The following SYN2 variants were observed in gnomAD, a reference collection of about 807,000 sequenced individuals.
The protein encoded by SYN2 is synapsin-2.
SYN2 carries 19 observed loss-of-function variants against 50.9 expected under a neutral mutation model. The ratio of observed to expected loss-of-function variants is 0.37; its 90% CI spans 0.26 to 0.55. The LOEUF (loss-of-function observed/expected upper bound fraction) is 0.55, where lower values mean the gene tolerates loss of function less well. Ranked by LOEUF, SYN2 falls within the 20% of genes least tolerant of loss-of-function variation. SYN2 has a pLI of 0.81. For missense variants in SYN2, 587 were observed against 576.4 expected, an observed-to-expected ratio of 1.02 and a Z score of -0.19; for synonymous variants, 255 against 224.9, an observed-to-expected ratio of 1.13 and a Z score of -1.20.
chr3:12,188,543 C>A (rs1219166481), intron 12 of SYN2, among the ~76,000 whole-genome samples: 1 of 152,194 alleles, frequency 6.6e-6, no homozygotes, highest in East Asian at 1.9e-4. Context: ...CTGGAGAATT[C>A]TGGAGTTGAA....
Position 12,004,774 on chromosome 3 carries a change from A to T in SYN2, c.223A>T (p.Thr75Ser), listed in dbSNP as rs1468510480. Reference sequence around the variant, plus strand: ...GGCGCCCGCGCCGCAGCCCGCGCCGACGCCGTCGGTGGGCAGCAGCTTCTT... The same window carrying T: ...GGCGCCCGCGCCGCAGCCCGCGCCGTCGCCGTCGGTGGGCAGCAGCTTCTT... The part of the protein sequence containing the change: ...ASAPAPQPAP[T>S]PSVGSSFFSS... The change falls in exon 1 of 13, where the codon ACG (threonine) becomes TCG (serine). Residue 75 changes from threonine (T) to serine (S), a missense_variant. Physicochemically the swap from Thr to Ser is moderately conservative, Grantham distance 58. Transcript: ENST00000621198. 4.2e-5 allele frequency: 13 copies of T among 308,462 alleles called. No homozygotes were observed. The Admixed American group carries it at 7.6e-4, about 18-fold the overall frequency. 19.1% of individuals were successfully genotyped at this position (308,462 alleles called of 1,614,324 possible).
intron 1 of SYN2, among the ~76,000 whole-genome samples, chr3:12,066,770 T>G (rs181139550): frequency 6.6e-6 from 1 of 152,282 alleles, no homozygotes; most frequent in East Asian, 1.9e-4. Context: ...CTCACACTGC[T>G]ATAAAGAACT....
intron 1 of SYN2, among the ~76,000 whole-genome samples, chr3:12,103,630 C>T (rs558137480): frequency 1.3e-5 from 2 of 152,280 alleles, no homozygotes; most frequent in African/African-American, 2.4e-5. Flanking sequence ...GAGAAACCCG[C>T]TTCCAAGGTC....
chr3:12,076,595 A>G (rs1032524613), intron 1 of SYN2, among the ~76,000 whole-genome samples: 3 of 152,078 alleles, frequency 2.0e-5, no homozygotes, highest in Non-Finnish European at 4.4e-5. Context: ...GATAATACCT[A>G]CGTTTTTATC....
chr3:12,174,202 C>T (rs1407175515), intron 10 of SYN2, among the ~76,000 whole-genome samples: 13 of 152,080 alleles, frequency 8.5e-5, no homozygotes, highest in Admixed American at 5.9e-4. Flanking sequence ...TATCTCCTGC[C>T]CTGACCACCC....
chr3:12,019,534 G>A (rs1467385660), intron 1 of SYN2, among the ~76,000 whole-genome samples: 1 of 152,270 alleles, frequency 6.6e-6, no homozygotes, highest in South Asian at 2.1e-4. Context: ...CTCTTTGAAA[G>A]AATAAAACAT....
chr3:12,168,262 G>A (rs1408527626), intron 8 of SYN2, 114 bp from the exon 9 acceptor site: 8 of 756,810 alleles, frequency 1.1e-5, no homozygotes, highest in Admixed American at 1.0e-4. Context: ...GATGGAGGGA[G>A]CAGTGGGAAT....
chr3:12,049,527 A>ATAATAATAAT (rs547907108), intron 1 of SYN2, among the ~76,000 whole-genome samples: 1 of 22,524 alleles, frequency 4.4e-5, no homozygotes, highest in African/African-American at 8.3e-5. Context: ...TCAAAAAAAA[A>ATAATAATAAT]AAAATAATAA....
At chr3:12,065,185 A>G (rs112517560) in intron 1 of SYN2, among the ~76,000 whole-genome samples, 1,556 of 152,286 alleles carry the variant, frequency 0.01, 15 homozygotes, top group Non-Finnish European at 0.014. Flanking sequence ...GGCTATTAAG[A>G]AAAGTCAAAA....
intron 1 of SYN2, among the ~76,000 whole-genome samples, chr3:12,054,940 T>C (rs1013789328): frequency 2.0e-5 from 3 of 152,158 alleles, no homozygotes; most frequent in African/African-American, 7.2e-5. Context: ...TGCTTTTGTT[T>C]TCTAGCATCC....
At chr3:12,147,080 T>TA (rs1182816465) in intron 4 of SYN2, among the ~76,000 whole-genome samples, 2 of 152,190 alleles carry the variant, frequency 1.3e-5, no homozygotes, top group African/African-American at 4.8e-5. Flanking sequence ...TCTTGTTTTG[T>TA]AAAAATGAAA....
intron 1 of SYN2, among the ~76,000 whole-genome samples, chr3:12,034,193 T>TA (rs1337768463): frequency 5.9e-5 from 9 of 152,172 alleles, no homozygotes; most frequent in African/African-American, 2.2e-4. Flanking sequence ...TGACAGTAGT[T>TA]ATTGTCTGGT....
intron 1 of SYN2, among the ~76,000 whole-genome samples, chr3:12,022,029 T>G (rs1339605130): frequency 6.6e-6 from 1 of 150,888 alleles, no homozygotes; most frequent in Non-Finnish European, 1.5e-5. Flanking sequence ...GAGATCACAC[T>G]GCCTCACTCC....
At chr3:12,127,411 T>C (rs1353250370) in intron 1 of SYN2, among the ~76,000 whole-genome samples, 1 of 152,204 alleles carries the variant, frequency 6.6e-6, no homozygotes, top group African/African-American at 2.4e-5. Flanking sequence ...CAACTTTCTG[T>C]CTTTAAGCCT....
At chr3:12,114,508 G>A (rs1005311908) in intron 1 of SYN2, among the ~76,000 whole-genome samples, 3 of 151,754 alleles carry the variant, frequency 2.0e-5, no homozygotes, top group Admixed American at 6.6e-5. Flanking sequence ...TAAAAATCTT[G>A]CTTACTCTAA....
intron 1 of SYN2, among the ~76,000 whole-genome samples, chr3:12,059,082 A>G (rs867796232): frequency 1.3e-5 from 2 of 152,206 alleles, no homozygotes; most frequent in Non-Finnish European, 2.9e-5. Flanking sequence ...TGCCTGGCAC[A>G]GTAAGACCAG....
At chr3:12,183,403 G>T (rs1251716808) in intron 11 of SYN2, 31 bp downstream of exon 11, 5 of 1,613,530 alleles carry the variant, frequency 3.1e-6, no homozygotes, top group Non-Finnish European at 8.5e-7. Flanking sequence ...GACTGTAATG[G>T]CATTGCAGTA....
chr3:12,079,128 C>T (rs1358500491), intron 1 of SYN2, among the ~76,000 whole-genome samples: 1 of 152,122 alleles, frequency 6.6e-6, no homozygotes, highest in Non-Finnish European at 1.5e-5. Context: ...TATAGGAATG[C>T]TTGAGACTTT....
At chr3:12,154,692 A>G (rs1281847002) in intron 5 of SYN2, among the ~76,000 whole-genome samples, 3 of 152,240 alleles carry the variant, frequency 2.0e-5, no homozygotes, top group East Asian at 1.9e-4. Flanking sequence ...TTCGTTTAGC[A>G]TGGTACAGAG....
Sources: allele counts gnomAD v4.1 joint callset (sites outside exome capture counted in the v4.1 genomes callset), GRCh38; gene constraint gnomAD v4.1.1; transcripts MANE v1.5; gene names NCBI Gene and HGNC (gene_info 2026-07-23, HGNC 2026-07-21).